The following NAA16 variants were observed in gnomAD, a reference collection of about 807,000 sequenced individuals.
The protein encoded by NAA16 is N-alpha-acetyltransferase 16, NatA auxiliary subunit, also known as NARG1-like protein.
Under a neutral mutation model 110.3 loss-of-function variants are expected in NAA16, and 97 were observed. That is an observed-to-expected ratio of 0.88 (90% confidence interval 0.75 to 1.04). NAA16 has a LOEUF of 1.04. Among genes scored for constraint, NAA16 ranks in the 50% least tolerant of loss-of-function variants. The pLI, the probability that NAA16 is intolerant of heterozygous loss-of-function variation, is 0.00. For missense variants in NAA16, 1,017 were observed against 1,005.1 expected (o/e 1.01, Z -0.16); for synonymous variants, 372 against 330.6 (o/e 1.13, Z -1.36).
intron 1 of NAA16, among the ~76,000 whole-genome samples, chr13:41,316,288 T>C (rs915078414): frequency 3.3e-5 from 5 of 150,210 alleles, no homozygotes; most frequent in Non-Finnish European, 7.4e-5. Context: ...CGCCACCACG[T>C]CTGGCTAATT....
intron 9 of NAA16, among the ~76,000 whole-genome samples, chr13:41,339,410 A>G (rs2042472220): frequency 6.6e-6 from 1 of 152,164 alleles, no homozygotes; most frequent in Non-Finnish European, 1.5e-5. Flanking sequence ...AAGTGCTGGG[A>G]TTACAGGCGT....
At chr13:41,319,012 A>G in intron 3 of NAA16, 102 bp downstream of exon 3, 1 of 530,138 alleles carries the variant, frequency 1.9e-6, no homozygotes, top group East Asian at 3.2e-5. Context: ...TAGAAGAGAG[A>G]ATTTAATGAA....
chr13:41,369,705 A>G (rs919169803), intron 15 of NAA16, among the ~76,000 whole-genome samples: 8 of 152,202 alleles, frequency 5.3e-5, no homozygotes, highest in South Asian at 2.1e-4. Flanking sequence ...GAATGATGCA[A>G]TGTGAGGAGG....
intron 16 of NAA16, 183 bp downstream of exon 16, chr13:41,372,494 T>C: frequency 1.0e-6 from 1 of 985,286 alleles, no homozygotes; most frequent in Non-Finnish European, 1.2e-6. Flanking sequence ...TCAAATCCAG[T>C]GTAAGAATAG....
rs1332019443 is a variant in NAA16, at chr13:41,376,766, G to T, written c.*1164G>T. 6.6e-6 allele frequency: 1 copy of T among 152,108 alleles called. No individual in the cohort carries two copies. Among genetic ancestry groups the T allele is most frequent in the Non-Finnish European group, 1.5e-5 (1 of 68,018 alleles). 9.4% of individuals were successfully genotyped at this position (152,108 alleles called of 1,614,324 possible). On this transcript the variant is annotated 3_prime_UTR_variant, in exon 20 of 20. Transcript: ENST00000379406. ...ATAGTGTTGTTAAACAGTATTTTTT[G>T]GGGGCGGGTGGATAGCTTTTTGTTC...
At chr13:41,323,635 A>T (rs184996475) in intron 5 of NAA16, among the ~76,000 whole-genome samples, 2 of 148,970 alleles carry the variant, frequency 1.3e-5, no homozygotes, top group South Asian at 2.1e-4. Flanking sequence ...TACAGGCGTG[A>T]GCCACCGCGC....
chr13:41,329,155 G>T (rs1206604725), intron 7 of NAA16, among the ~76,000 whole-genome samples: 1 of 151,946 alleles, frequency 6.6e-6, no homozygotes, highest in South Asian at 2.1e-4. Flanking sequence ...GAAAGAAAAT[G>T]AGCATTCCCT....
At chr13:41,344,495 C>T (rs953693146) in intron 9 of NAA16, among the ~76,000 whole-genome samples, 1 of 152,096 alleles carries the variant, frequency 6.6e-6, no homozygotes, top group East Asian at 1.9e-4. Flanking sequence ...TTTTGATTGT[C>T]GCTGCAGTGA....
In NAA16 at chr13:41,324,415, G is replaced by T. The variant is rs145732015; in HGVS notation, c.537+1225G>T. ...TTTTGAGACAGAGTCTTGATCTGTC[G>T]CCCAGGCTAGAGTTCAGTGGTGCAA... On this transcript the variant is annotated intron_variant, in intron 5 of 19. Coordinates refer to ENST00000379406, the MANE Select transcript of NAA16 (RefSeq NM_024561.5). 3.1e-4 allele frequency among the ~76,000 whole-genome samples: 41 copies of T among 132,526 alleles called. 1 individual carries two copies. The East Asian group carries it at 8.5e-3, about 27-fold the overall frequency. The allele number at this position is 132,526 out of a possible 152,430, so 86.9% of individuals were successfully genotyped here. A position where few individuals can be genotyped will look rare whatever the true frequency, so the allele number is the denominator to read the frequency against.
chr13:41,351,227 G>C (rs1373494302), intron 9 of NAA16, among the ~76,000 whole-genome samples: 1 of 152,158 alleles, frequency 6.6e-6, no homozygotes, highest in Non-Finnish European at 1.5e-5. Flanking sequence ...TAAAGTACTT[G>C]GTTTGAATAT....
intron 7 of NAA16, 30 bp from the exon 8 acceptor site, chr13:41,331,244 A>T (rs372698820): frequency 2.2e-6 from 3 of 1,369,796 alleles, no homozygotes; most frequent in Non-Finnish European, 3.1e-6. Flanking sequence ...TTTTGATGCT[A>T]TGAATCTCAC....
At chr13:41,345,623 C>T (rs2042661354) in intron 9 of NAA16, among the ~76,000 whole-genome samples, 1 of 152,104 alleles carries the variant, frequency 6.6e-6, no homozygotes, top group Non-Finnish European at 1.5e-5. Context: ...ACTCTTGTCA[C>T]CCAGGCTGGA....
At chr13:41,346,858 G>A (rs1237608796) in intron 9 of NAA16, among the ~76,000 whole-genome samples, 1 of 152,086 alleles carries the variant, frequency 6.6e-6, no homozygotes, top group Admixed American at 6.6e-5. Context: ...TACAAGAAAA[G>A]CTAAAAGTCC....
chr13:41,356,421 CGCA>C (rs2042988039), intron 10 of NAA16, among the ~76,000 whole-genome samples: 1 of 139,836 alleles, frequency 7.2e-6, no homozygotes, highest in Non-Finnish European at 1.5e-5. Flanking sequence ...AAGAAGTCAT[CGCA>C]GTGCCATGTC....
intron 13 of NAA16, among the ~76,000 whole-genome samples, chr13:41,366,515 A>G (rs2139510020): frequency 6.6e-6 from 1 of 152,302 alleles, no homozygotes; most frequent in Middle Eastern, 3.4e-3. Context: ...CAGTATAAGT[A>G]TAAGATTGTT....
intron 9 of NAA16, 57 bp from the exon 10 acceptor site, chr13:41,355,087 G>C: frequency 9.2e-7 from 1 of 1,087,564 alleles, no homozygotes; most frequent in Non-Finnish European, 1.3e-6. Context: ...AACCATAATA[G>C]GTAAAAATAC....
At chr13:41,336,259 GGAATGAAT>G (rs991117536) in intron 8 of NAA16, among the ~76,000 whole-genome samples, 46 of 151,904 alleles carry the variant, frequency 3.0e-4, no homozygotes, top group Admixed American at 2.8e-3. Flanking sequence ...ACATTATTGT[GGAATGAAT>G]GAATGAATGA....
chr13:41,330,124 G>GTATA (rs1406793666), intron 7 of NAA16, among the ~76,000 whole-genome samples: 3 of 151,824 alleles, frequency 2.0e-5, no homozygotes, highest in African/African-American at 4.8e-5. Flanking sequence ...TTATGTGTTA[G>GTATA]TATAAGGGTC....
chr13:41,365,551 A>G (rs1444225096), intron 13 of NAA16, among the ~76,000 whole-genome samples: 1 of 152,238 alleles, frequency 6.6e-6, no homozygotes, highest in Non-Finnish European at 1.5e-5. Flanking sequence ...TAGCTGCAGT[A>G]TCCCACTTGT....
Sources: gnomAD v4.1 joint callset for allele counts (sites outside exome capture counted in the v4.1 genomes callset) on GRCh38, gnomAD v4.1.1 for gene constraint, MANE v1.5 for transcripts, NCBI Gene and HGNC (gene_info 2026-07-23, HGNC 2026-07-21) for gene names.